The following GALNTL6 variants were observed in gnomAD, a reference collection of about 807,000 sequenced individuals.
The protein encoded by GALNTL6 is polypeptide N-acetylgalactosaminyltransferase like 6.
In GALNTL6, 46 loss-of-function variants were observed where a neutral mutation model predicts 73.7. That is an observed-to-expected ratio of 0.62 (90% CI 0.49 to 0.80). The LOEUF is 0.80. Among genes scored for constraint, GALNTL6 ranks in the 30% least tolerant of loss-of-function variants. The probability of loss-of-function intolerance (pLI) is 0.00; values close to 1 mark genes in which losing one functional copy is unlikely to be tolerated. For missense variants in GALNTL6, 604 were observed against 755.0 expected, an observed-to-expected ratio of 0.80 and a Z score of 2.34; for synonymous variants, 259 against 263.7, an observed-to-expected ratio of 0.98 and a Z score of 0.17.
chr4:172,915,855 C>CA (rs1747475594), intron 8 of GALNTL6, among the ~76,000 whole-genome samples: 1 of 152,108 alleles, frequency 6.6e-6, no homozygotes, highest in East Asian at 1.9e-4. Context: ...GAAACTATTC[C>CA]AAAAAATAGA....
intron 2 of GALNTL6, among the ~76,000 whole-genome samples, chr4:172,048,242 T>G (rs529904835): frequency 6.6e-6 from 1 of 152,194 alleles, no homozygotes; most frequent in African/African-American, 2.4e-5. Flanking sequence ...AATATCCCAT[T>G]ACTATGCTAA....
Position 171,870,952 on chromosome 4 carries a change from T to C in GALNTL6, c.138+56234T>C, listed in dbSNP as rs181828873. ...ATTTCTGTTGTTTAAGCCTCTCAAATTGTGGTAATCTGTTATAGAAGCTCT... is the reference window on the plus strand; with the variant it reads ...ATTTCTGTTGTTTAAGCCTCTCAAACTGTGGTAATCTGTTATAGAAGCTCT... On this transcript the variant is annotated intron_variant, in intron 2 of 12. Transcript: ENST00000506823. 3.3e-3 allele frequency among the ~76,000 whole-genome samples: 510 copies of C among 152,324 alleles called. 3 individuals carry two copies. Among genetic ancestry groups the C allele is most frequent in the Non-Finnish European group, 4.8e-3 (327 of 68,014 alleles).
chr4:172,429,979 T>C (rs1043365819), intron 5 of GALNTL6, among the ~76,000 whole-genome samples: 11 of 152,140 alleles, frequency 7.2e-5, no homozygotes, highest in Non-Finnish European at 1.2e-4. Context: ...ATAAGTGAGG[T>C]ATTAGTGTAA....
At chr4:172,587,955 A>T (rs1737480636) in intron 5 of GALNTL6, among the ~76,000 whole-genome samples, 1 of 152,190 alleles carries the variant, frequency 6.6e-6, no homozygotes, top group African/African-American at 2.4e-5. Flanking sequence ...ATCATAAACT[A>T]CTTGAGGCTT....
chr4:172,507,169 G>A lies in GALNTL6; in HGVS notation c.553+158480G>A, dbSNP rs1489566485. Among the ~76,000 whole-genome samples, 2 of 55,374 alleles carry A rather than the reference G, an allele frequency of 3.6e-5. 1 individual carries two copies. Among genetic ancestry groups the A allele is most frequent in the African/African-American group, 9.0e-5 (2 of 22,132 alleles). 36.3% of individuals were successfully genotyped at this position (55,374 alleles called of 152,430 possible). On this transcript the variant is annotated intron_variant, in intron 5 of 12. Transcript: ENST00000506823. ...ATGCATTTCTTCCTTCTGGGTGTGGGAAAGGACCCTCTTGGAAATGAGGAT... is the reference window on the plus strand; with the variant it reads ...ATGCATTTCTTCCTTCTGGGTGTGGAAAAGGACCCTCTTGGAAATGAGGAT...
At chr4:172,230,467 G>T (rs1737019913) in intron 3 of GALNTL6, among the ~76,000 whole-genome samples, 1 of 150,360 alleles carries the variant, frequency 6.7e-6, no homozygotes, top group Non-Finnish European at 1.5e-5. Flanking sequence ...GGCACCTGTA[G>T]TCCCAGCTAC....
intron 5 of GALNTL6, among the ~76,000 whole-genome samples, chr4:172,524,654 A>G (rs908312518): frequency 2.6e-5 from 4 of 152,212 alleles, no homozygotes; most frequent in African/African-American, 7.2e-5. Flanking sequence ...TCTTCATGGG[A>G]ATCATTACAT....
chr4:172,369,934 C>T (rs1047687013), intron 5 of GALNTL6, among the ~76,000 whole-genome samples: 2 of 152,224 alleles, frequency 1.3e-5, no homozygotes, highest in African/African-American at 4.8e-5. Context: ...CAGCAGCAGG[C>T]TGACGGGCTC....
At chr4:172,724,496 G>T (rs1307374119) in intron 5 of GALNTL6, among the ~76,000 whole-genome samples, 1 of 152,116 alleles carries the variant, frequency 6.6e-6, no homozygotes, top group African/African-American at 2.4e-5. Flanking sequence ...AATTAGTTGG[G>T]CTCTCTCCCT....
At chr4:172,615,546 CTCTT>C (rs1452762673) in intron 5 of GALNTL6, among the ~76,000 whole-genome samples, 1 of 152,090 alleles carries the variant, frequency 6.6e-6, no homozygotes, top group East Asian at 1.9e-4. Flanking sequence ...ACTGAAAATG[CTCTT>C]TCTATTAAGT....
chr4:171,890,870 T>G (rs1736740879), intron 2 of GALNTL6, among the ~76,000 whole-genome samples: 1 of 152,144 alleles, frequency 6.6e-6, no homozygotes, highest in African/African-American at 2.4e-5. Context: ...ATTTTAAAGA[T>G]GATTAAATAC....
chr4:172,519,156 A>C (rs72995102), intron 5 of GALNTL6, among the ~76,000 whole-genome samples: 6,208 of 150,754 alleles, frequency 0.041, 390 homozygotes, highest in African/African-American at 0.14. Context: ...TATATATATA[A>C]ATATGTTTAA....
chr4:172,442,441 C>T (rs1731867068), intron 5 of GALNTL6, among the ~76,000 whole-genome samples: 1 of 152,076 alleles, frequency 6.6e-6, no homozygotes, highest in South Asian at 2.1e-4. Context: ...ATCATTTGTA[C>T]TTAAATTTTA....
chr4:172,383,416 T>G (rs548537698), intron 5 of GALNTL6, among the ~76,000 whole-genome samples: 2 of 152,312 alleles, frequency 1.3e-5, no homozygotes, highest in African/African-American at 4.8e-5. Flanking sequence ...TTTTCATTAC[T>G]AATGTATAGA....
chr4:172,464,956 A>G (rs180816534), intron 5 of GALNTL6, among the ~76,000 whole-genome samples: 268 of 152,330 alleles, frequency 1.8e-3, no homozygotes, highest in African/African-American at 6.1e-3. Context: ...TTAGCACAGC[A>G]ATGAACCCAA....
intron 5 of GALNTL6, among the ~76,000 whole-genome samples, chr4:172,792,647 G>A (rs1037199286): frequency 2.0e-5 from 3 of 147,772 alleles, no homozygotes; most frequent in Non-Finnish European, 4.4e-5. Context: ...CTGGATTCAC[G>A]ATTCACATGA....
chr4:172,782,196 G>C (rs1739403501), intron 5 of GALNTL6, among the ~76,000 whole-genome samples: 1 of 152,036 alleles, frequency 6.6e-6, no homozygotes, highest in South Asian at 2.1e-4. Flanking sequence ...TTTCATGAGA[G>C]ATATCAACAT....
At chr4:173,037,301 A>G (rs1449986136) in intron 12 of GALNTL6, among the ~76,000 whole-genome samples, 1 of 152,234 alleles carries the variant, frequency 6.6e-6, no homozygotes, top group Non-Finnish European at 1.5e-5. Context: ...TTTTATGACT[A>G]GGAGAGGCTC....
intron 5 of GALNTL6, among the ~76,000 whole-genome samples, chr4:172,390,767 G>C (rs1743637967): frequency 6.6e-6 from 1 of 152,080 alleles, no homozygotes; most frequent in Non-Finnish European, 1.5e-5. Flanking sequence ...GTTCAAATGA[G>C]AGGCAAAAAG....
Sources: gnomAD v4.1 joint callset for allele counts (sites outside exome capture counted in the v4.1 genomes callset) on GRCh38, gnomAD v4.1.1 for gene constraint, MANE v1.5 for transcripts, NCBI Gene and HGNC (gene_info 2026-07-23, HGNC 2026-07-21) for gene names.